Variants in ADAMTSL3 observed in about 807,000 individuals in gnomAD.
ADAMTSL3 encodes the protein ADAMTS like 3, also known as ADAMTS-like protein 3.
In ADAMTSL3, 128 loss-of-function variants were observed where a neutral mutation model predicts 201.7. That is an observed-to-expected ratio of 0.63 (90% confidence interval 0.55 to 0.73). ADAMTSL3 has a LOEUF of 0.73. ADAMTSL3 is among the 30% of genes least tolerant of loss of function. The pLI is 0.00. For synonymous variants in ADAMTSL3, 738 were observed against 748.4 expected (o/e 0.99, Z 0.23); for missense variants, 1,990 against 2,119.6 (o/e 0.94, Z 1.20).
At chr15:83,912,532 A>G (rs945231176) in intron 15 of ADAMTSL3, among the ~76,000 whole-genome samples, 6 of 152,170 alleles carry the variant, frequency 3.9e-5, no homozygotes, top group Non-Finnish European at 7.4e-5. Flanking sequence ...ATTGTGCAAT[A>G]TTTCTTTTGT....
intron 9 of ADAMTSL3, among the ~76,000 whole-genome samples, chr15:83,881,943 G>A (rs1442989392): frequency 4.6e-5 from 7 of 152,098 alleles, no homozygotes; most frequent in South Asian, 2.1e-4. Flanking sequence ...CATGAGATCA[G>A]GAGATCGAGA....
intron 9 of ADAMTSL3, among the ~76,000 whole-genome samples, chr15:83,876,284 T>G (rs2065175877): frequency 6.6e-6 from 1 of 152,114 alleles, no homozygotes; most frequent in African/African-American, 2.4e-5. Flanking sequence ...CTCTGAGACA[T>G]CTAACAACTA....
At chr15:83,789,839 T>A (rs1316321730) in intron 4 of ADAMTSL3, among the ~76,000 whole-genome samples, 1 of 152,136 alleles carries the variant, frequency 6.6e-6, no homozygotes. Flanking sequence ...GGAAATTTAA[T>A]CTCTTTTTAA....
chr15:83,971,485 A>C (rs1213335899), intron 20 of ADAMTSL3, among the ~76,000 whole-genome samples: 1 of 139,704 alleles, frequency 7.2e-6, no homozygotes, highest in African/African-American at 2.7e-5. Context: ...TGAACCTGGG[A>C]GGCGGAGGTT....
intron 9 of ADAMTSL3, among the ~76,000 whole-genome samples, chr15:83,882,326 C>T (rs2065289084): frequency 6.6e-6 from 1 of 152,164 alleles, no homozygotes; most frequent in South Asian, 2.1e-4. Flanking sequence ...GTGCTGTCTC[C>T]ACTCCGTTAC....
chr15:83,788,922 G>A (rs1241884336), intron 4 of ADAMTSL3, among the ~76,000 whole-genome samples: 1 of 152,116 alleles, frequency 6.6e-6, no homozygotes, highest in African/African-American at 2.4e-5. Context: ...CAACTCTCCT[G>A]CCTCAGCCAG....
rs1455568136 is a variant in ADAMTSL3 at position 83,893,035 on chromosome 15, G to T, written c.1467+147G>T. The T allele has an allele frequency of 5.6e-6, 4 of 708,332 alleles. No homozygotes were observed. In the East Asian group the frequency reaches 1.1e-4, roughly 19 times the overall value. 43.9% of individuals were successfully genotyped at this position (708,332 alleles called of 1,614,324 possible). A position where few individuals can be genotyped will look rare whatever the true frequency, so the allele number is the denominator to read the frequency against. On this transcript the variant is annotated intron_variant, in intron 13 of 29. Coordinates refer to ENST00000286744, the MANE Select transcript of ADAMTSL3 (RefSeq NM_207517.3). Reference sequence around the variant, plus strand: ...CTACTCCAAAGAGCTTAGGAAGACAGTTGGAGGACGAGGGAAGAAAGACCA... The same window carrying T: ...CTACTCCAAAGAGCTTAGGAAGACATTTGGAGGACGAGGGAAGAAAGACCA...
At chr15:83,886,964 C>T (rs974595894) in intron 10 of ADAMTSL3, among the ~76,000 whole-genome samples, 2 of 152,212 alleles carry the variant, frequency 1.3e-5, no homozygotes, top group Non-Finnish European at 2.9e-5. Flanking sequence ...CTCCCCAGTT[C>T]GCCAGCTAGT....
At chr15:83,846,222 C>T (rs2064494896) in intron 7 of ADAMTSL3, among the ~76,000 whole-genome samples, 1 of 152,192 alleles carries the variant, frequency 6.6e-6, no homozygotes, top group African/African-American at 2.4e-5. Context: ...TATGCTTACA[C>T]TGTGCTATGT....
intron 4 of ADAMTSL3, among the ~76,000 whole-genome samples, chr15:83,783,458 A>G (rs1024140687): frequency 2.0e-5 from 3 of 152,160 alleles, no homozygotes; most frequent in Non-Finnish European, 2.9e-5. Context: ...TTAAAAGACA[A>G]AAGATTGTTA....
intron 20 of ADAMTSL3, among the ~76,000 whole-genome samples, chr15:83,973,233 G>C (rs1305945173): frequency 1.3e-5 from 2 of 152,204 alleles, no homozygotes; most frequent in Non-Finnish European, 1.5e-5. Flanking sequence ...TTAGCTTCTT[G>C]TTCTGCCTTA....
chr15:83,692,875 C>G (rs2061631916), intron 2 of ADAMTSL3, among the ~76,000 whole-genome samples: 1 of 151,986 alleles, frequency 6.6e-6, no homozygotes, highest in African/African-American at 2.4e-5. Flanking sequence ...TTTTTCTTCT[C>G]TTGGAAGGCT....
At chr15:83,904,076 C>A (rs1216200030) in intron 15 of ADAMTSL3, among the ~76,000 whole-genome samples, 1 of 151,692 alleles carries the variant, frequency 6.6e-6, no homozygotes, top group Non-Finnish European at 1.5e-5. Context: ...ATTCACAGAG[C>A]AAAGCCAAAA....
intron 6 of ADAMTSL3, among the ~76,000 whole-genome samples, chr15:83,829,073 A>G (rs943870372): frequency 5.3e-5 from 8 of 152,016 alleles, no homozygotes; most frequent in East Asian, 1.9e-4. Flanking sequence ...CTCTTTTTCT[A>G]TTGATTGGAA....
intron 2 of ADAMTSL3, among the ~76,000 whole-genome samples, chr15:83,684,826 C>T (rs1424903116): frequency 2.0e-5 from 3 of 152,018 alleles, no homozygotes; most frequent in African/African-American, 7.2e-5. Flanking sequence ...TATATATCTT[C>T]TTTATATATG....
intron 25 of ADAMTSL3, among the ~76,000 whole-genome samples, chr15:84,016,920 G>T (rs2068096890): frequency 6.6e-6 from 1 of 152,054 alleles, no homozygotes; most frequent in Admixed American, 6.6e-5. Context: ...TTAATCAGGA[G>T]AACCTAATCT....
chr15:84,036,871 A>G lies in ADAMTSL3; in HGVS notation c.4853A>G (p.Gln1618Arg), dbSNP rs2068518513. 3 of 1,613,972 alleles carry G rather than the reference A, an allele frequency of 1.9e-6. No homozygotes were observed. The highest frequency in any genetic ancestry group is 2.5e-6 in the Non-Finnish European group (3 of 1,180,008). The change falls in exon 29 of 30, where the codon CAG becomes CGG. Residue 1618 changes from glutamine (Q) to arginine (R), a missense_variant. Transcript: ENST00000286744. ...ACAGCAGCCTGTGGCAGGGGTTTCC[A>G]GTCTCGGAAAGTCGACTGTATCCAC... is the stretch of plus-strand genomic sequence containing the variant. The part of the protein sequence containing the change: ...PCTAACGRGF[Q>R]SRKVDCIHTR...
chr15:84,009,193 T>TA (rs990621937), intron 23 of ADAMTSL3, among the ~76,000 whole-genome samples: 4 of 152,156 alleles, frequency 2.6e-5, no homozygotes, highest in Non-Finnish European at 5.9e-5. Flanking sequence ...ACCAAAGCCT[T>TA]ACGATGACCT....
At chr15:83,734,803 A>G (rs2062342830) in intron 3 of ADAMTSL3, among the ~76,000 whole-genome samples, 1 of 151,980 alleles carries the variant, frequency 6.6e-6, no homozygotes, top group South Asian at 2.1e-4. Context: ...CTTGGGGATG[A>G]TTTTTGCCGA....
Sources: gnomAD v4.1 joint callset for allele counts (sites outside exome capture counted in the v4.1 genomes callset) on GRCh38, gnomAD v4.1.1 for gene constraint, MANE v1.5 for transcripts, NCBI Gene and HGNC (gene_info 2026-07-23, HGNC 2026-07-21) for gene names.